Variants in DAB1 observed in about 807,000 individuals in gnomAD.
DAB1 encodes disabled homolog 1.
DAB1 carries 15 observed loss-of-function variants against 64.6 expected under a neutral mutation model. The ratio of observed to expected loss-of-function variants is 0.23; its 90% confidence interval spans 0.16 to 0.36. The LOEUF is 0.36. DAB1 is among the 10% of genes least tolerant of loss of function. DAB1 has a pLI of 1.00. For missense variants in DAB1, 596 were observed against 706.7 expected (o/e 0.84, Z 1.78); for synonymous variants, 235 against 251.9 (o/e 0.93, Z 0.64).
At chr1:57,833,182 G>A (rs1304332036) in intron 1 of DAB1, among the ~76,000 whole-genome samples, 1 of 151,900 alleles carries the variant, frequency 6.6e-6, no homozygotes, top group Non-Finnish European at 1.5e-5. Context: ...TATTATCGGT[G>A]GTGAATCCTA....
At chr1:57,351,777 A>ATGG (rs1678609338) in intron 1 of DAB1, among the ~76,000 whole-genome samples, 2 of 152,172 alleles carry the variant, frequency 1.3e-5, no homozygotes, top group South Asian at 4.1e-4. Flanking sequence ...ATTGACTTTC[A>ATGG]TGGGGCCAAT....
At chr1:57,570,642 G>A (rs1645183428) in intron 7 of DAB1, among the ~76,000 whole-genome samples, 2 of 152,018 alleles carry the variant, frequency 1.3e-5, no homozygotes, top group South Asian at 4.2e-4. Context: ...GCTTAGTCTT[G>A]TTTTGGCTAT....
At chr1:57,361,277 G>A (rs1171435434) in intron 1 of DAB1, among the ~76,000 whole-genome samples, 1 of 152,176 alleles carries the variant, frequency 6.6e-6, no homozygotes, top group African/African-American at 2.4e-5. Context: ...CAAGAAGACA[G>A]TCTATGTTTT....
intron 5 of DAB1, among the ~76,000 whole-genome samples, chr1:57,997,863 C>T (rs540731946): frequency 6.6e-6 from 1 of 151,696 alleles, no homozygotes. Context: ...TTCTGTGTGC[C>T]AGCCACTATA....
At chr1:57,820,809 CAA>C (rs999447099) in intron 6 of DAB1, among the ~76,000 whole-genome samples, 4 of 152,064 alleles carry the variant, frequency 2.6e-5, no homozygotes, top group African/African-American at 9.7e-5. Context: ...CCCTTTCTGT[CAA>C]AAAGAGTATT....
intron 5 of DAB1, among the ~76,000 whole-genome samples, chr1:58,127,258 T>C (rs1489303086): frequency 6.6e-6 from 1 of 152,242 alleles, no homozygotes; most frequent in Non-Finnish European, 1.5e-5. Flanking sequence ...AAATGTCTTC[T>C]TTTGAGAAGT....
chr1:57,890,891 G>A (rs1644302380), intron 5 of DAB1, among the ~76,000 whole-genome samples: 1 of 152,136 alleles, frequency 6.6e-6, no homozygotes, highest in African/African-American at 2.4e-5. Context: ...TGAACACACT[G>A]TGCATTTTCA....
chr1:58,122,112 T>C (rs1041810222), intron 5 of DAB1, among the ~76,000 whole-genome samples: 2 of 152,188 alleles, frequency 1.3e-5, no homozygotes, highest in African/African-American at 4.8e-5. Flanking sequence ...TTGACTTTGA[T>C]GTACAGAACT....
At chr1:58,451,920 C>CA (rs1645141182) in intron 3 of DAB1, among the ~76,000 whole-genome samples, 1 of 137,988 alleles carries the variant, frequency 7.2e-6, no homozygotes, top group Non-Finnish European at 1.6e-5. Context: ...TTTTTCTTTC[C>CA]TTTTTTTTTT....
intron 3 of DAB1, among the ~76,000 whole-genome samples, chr1:58,393,120 CTT>C (rs34546253): frequency 0.12 from 13,518 of 116,868 alleles, 644 homozygotes; most frequent in African/African-American, 0.25. Flanking sequence ...ACTTCCAAAT[CTT>C]TTTTTTTTTT....
chr1:58,037,840 G>T (rs1647069169), intron 5 of DAB1, among the ~76,000 whole-genome samples: 1 of 152,092 alleles, frequency 6.6e-6, no homozygotes, highest in African/African-American at 2.4e-5. Context: ...CTTCCTAATA[G>T]ATCAGGTTCA....
intron 4 of DAB1, among the ~76,000 whole-genome samples, chr1:58,187,565 ATATTAT>A (rs377009640): frequency 2.1e-4 from 31 of 148,130 alleles, no homozygotes; most frequent in African/African-American, 6.4e-4. Context: ...TATATTTTAT[ATATTAT>A]TATTATTATT....
At chr1:57,173,578 T>C (rs1011394181) in intron 2 of DAB1, among the ~76,000 whole-genome samples, 6 of 152,200 alleles carry the variant, frequency 3.9e-5, no homozygotes, top group African/African-American at 1.4e-4. Flanking sequence ...CCAAGTATTT[T>C]AGATAAGGGA....
intron 3 of DAB1, among the ~76,000 whole-genome samples, chr1:58,436,063 C>T (rs1195748431): frequency 2.6e-5 from 4 of 152,298 alleles, no homozygotes; most frequent in African/African-American, 7.2e-5. Context: ...GCCTCACCTA[C>T]TCTGTGGTGA....
At position 58,452,828 on chromosome 1, in the gene DAB1, AAAAAAAC is replaced by A. The variant is rs372706638; in HGVS notation, n.257+53225_257+53231del. On this transcript the variant is annotated intron_variant and non_coding_transcript_variant, in intron 3 of 20. Transcript: ENST00000485760. ...GGGCGACAGAGAGAGACTCCATCTC[AAAAAAAC>A]AAAAAACAAAAAACAAAACAAAAAA... is the stretch of plus-strand genomic sequence containing the variant. Among the ~76,000 whole-genome samples, 220 of 151,598 alleles carry A rather than the reference AAAAAAAC, an allele frequency of 1.5e-3. 2 individuals carry two copies. Among genetic ancestry groups the A allele is most frequent in the African/African-American group, 5.1e-3 (208 of 41,002 alleles).
chr1:57,694,144 C>A (rs1036280083), intron 6 of DAB1, among the ~76,000 whole-genome samples: 6 of 152,180 alleles, frequency 3.9e-5, no homozygotes, highest in Non-Finnish European at 7.3e-5. Flanking sequence ...GATCAAGTTT[C>A]ATTCCTCTGG....
At chr1:57,837,236 C>T (rs1046251625) in intron 1 of DAB1, among the ~76,000 whole-genome samples, 1 of 152,188 alleles carries the variant, frequency 6.6e-6, no homozygotes, top group Non-Finnish European at 1.5e-5. Flanking sequence ...TGACACTTTC[C>T]TATTCTTAAA....
At chr1:57,003,505 A>C (rs556260261) in intron 14 of DAB1, among the ~76,000 whole-genome samples, 2 of 151,000 alleles carry the variant, frequency 1.3e-5, no homozygotes, top group African/African-American at 2.4e-5. Flanking sequence ...TTTTTTTTTT[A>C]ATCTTTTTTA....
intron 1 of DAB1, among the ~76,000 whole-genome samples, chr1:57,855,084 C>G (rs59093105): frequency 0.021 from 3,212 of 152,116 alleles, 134 homozygotes; most frequent in African/African-American, 0.074. Context: ...AAAGGGACAG[C>G]AGGAGACTGG....
Sources: allele counts gnomAD v4.1 joint callset (sites outside exome capture counted in the v4.1 genomes callset), GRCh38; gene constraint gnomAD v4.1.1; transcripts MANE v1.5; gene names NCBI Gene and HGNC (gene_info 2026-07-23, HGNC 2026-07-21).